FIG4: variants seen among roughly 807,000 people sequenced by gnomAD.
FIG4 encodes the protein FIG4 phosphoinositide 5-phosphatase.
A neutral mutation model predicts 118.6 loss-of-function variants in FIG4; 112 were observed. That is an observed-to-expected ratio of 0.94 (90% CI 0.81 to 1.11). FIG4 has a LOEUF of 1.11. Among genes scored for constraint, FIG4 ranks in the 50% least tolerant of loss-of-function variants. FIG4 has a pLI of 0.00. For missense variants in FIG4, 969 were observed against 1,111.7 expected (o/e 0.87, Z 1.83); for synonymous variants, 369 against 381.2 (o/e 0.97, Z 0.37).
intron 3 of FIG4, among the ~76,000 whole-genome samples, chr6:109,723,437 C>T (rs1219067531): frequency 1.3e-5 from 2 of 152,298 alleles, no homozygotes; most frequent in African/African-American, 2.4e-5. Context: ...TAAAATATAA[C>T]TCTATTTATA....
intron 17 of FIG4, 64 bp from the exon 18 acceptor site, chr6:109,786,238 A>T: frequency 7.0e-7 from 1 of 1,420,414 alleles, no homozygotes; most frequent in Admixed American, 1.7e-5. Context: ...CACAGTTAAT[A>T]TTATGGAAAT....
chr6:109,800,585 T>C (rs1778401111), intron 22 of FIG4, among the ~76,000 whole-genome samples: 1 of 152,116 alleles, frequency 6.6e-6, no homozygotes, highest in Non-Finnish European at 1.5e-5. Context: ...TCTTTGTGTC[T>C]CTAGAACAGT....
At chr6:109,772,249 G>A (rs1335816988) in intron 15 of FIG4, among the ~76,000 whole-genome samples, 1 of 152,094 alleles carries the variant, frequency 6.6e-6, no homozygotes, top group Non-Finnish European at 1.5e-5. Context: ...GTCAATAGGA[G>A]AGAGTCTCAG....
intron 17 of FIG4, 53 bp from the exon 18 acceptor site, chr6:109,786,249 G>A: frequency 6.7e-7 from 1 of 1,500,250 alleles, no homozygotes; most frequent in Non-Finnish European, 9.2e-7. Flanking sequence ...TTATGGAAAT[G>A]TTTGCTTGCT....
chr6:109,732,771 A>G, intron 5 of FIG4, 84 bp downstream of exon 5: 2 of 759,370 alleles, frequency 2.6e-6, no homozygotes, highest in East Asian at 2.5e-5. Context: ...ATGAGAACAT[A>G]GTAGTACTTC....
Position 109,716,744 on chromosome 6 carries a change from A to G in FIG4, c.289+176A>G, listed in dbSNP as rs534194130. Among the ~76,000 whole-genome samples the G allele has an allele frequency of 2.6e-5, 4 of 152,332 alleles. No homozygotes were observed. The East Asian group carries it at 7.7e-4, about 29-fold the overall frequency. On this transcript the variant is annotated intron_variant, in intron 3 of 22. Transcript: ENST00000230124. ...AGATAGCAAACAGCGTTTCTGTAGC[A>G]TCTGCTTATGCACTTAGCACTGCTC...
intron 1 of FIG4, among the ~76,000 whole-genome samples, chr6:109,706,739 C>T (rs559947081): frequency 7.9e-5 from 12 of 152,318 alleles, no homozygotes; most frequent in African/African-American, 2.9e-4. Flanking sequence ...AACATTTTCT[C>T]GCTTATTCTT....
intron 1 of FIG4, among the ~76,000 whole-genome samples, chr6:109,699,627 C>T (rs1474688423): frequency 6.6e-6 from 1 of 151,802 alleles, no homozygotes; most frequent in Non-Finnish European, 1.5e-5. Flanking sequence ...CTTAGCCTCC[C>T]AAGTAACTGG....
chr6:109,752,007 G>T (rs1776721259), intron 10 of FIG4, among the ~76,000 whole-genome samples: 1 of 95,966 alleles, frequency 1.0e-5, no homozygotes, highest in Non-Finnish European at 1.9e-5. Flanking sequence ...CCCCACAACA[G>T]TCCCCAGAGT....
At chr6:109,745,153 A>G (rs1212985099) in intron 10 of FIG4, among the ~76,000 whole-genome samples, 1 of 152,144 alleles carries the variant, frequency 6.6e-6, no homozygotes, top group Non-Finnish European at 1.5e-5. Context: ...TTGGGTATAT[A>G]CCCAGTAATG....
At chr6:109,784,266 A>G (rs6903587) in intron 16 of FIG4, among the ~76,000 whole-genome samples, 5,846 of 152,260 alleles carry the variant, frequency 0.038, 390 homozygotes, top group African/African-American at 0.13. Flanking sequence ...TTAGGTGTTC[A>G]GAGAGAAGGC....
At chr6:109,784,513 A>G (rs1361374641) in intron 16 of FIG4, among the ~76,000 whole-genome samples, 1 of 152,224 alleles carries the variant, frequency 6.6e-6, no homozygotes, top group Non-Finnish European at 1.5e-5. Context: ...GGTGTGTACT[A>G]TACAGCAGAG....
chr6:109,799,360 T>G (rs566408670), intron 22 of FIG4, among the ~76,000 whole-genome samples: 17 of 152,180 alleles, frequency 1.1e-4, no homozygotes, highest in African/African-American at 3.9e-4. Context: ...TTGGTGTTTT[T>G]GGGGTGTGTG....
chr6:109,770,381 T>C (rs1777422852), intron 15 of FIG4, among the ~76,000 whole-genome samples: 1 of 152,190 alleles, frequency 6.6e-6, no homozygotes, highest in Non-Finnish European at 1.5e-5. Flanking sequence ...CTAACATAAA[T>C]ATGTACACCC....
chr6:109,719,118 C>T (rs754525200), intron 3 of FIG4, among the ~76,000 whole-genome samples: 2 of 152,016 alleles, frequency 1.3e-5, no homozygotes, highest in Non-Finnish European at 2.9e-5. Flanking sequence ...GGGGTTTCGC[C>T]ATGTTGGCCA....
chr6:109,738,433 A>T lies in FIG4; in HGVS notation c.755A>T (p.His252Leu), dbSNP rs1776226747. The part of the protein sequence containing the change: ...VHRDWLLYII[H>L]GFCGQSKLLI... ...CGTGACTGGCTTTTGTATATTATTC[A>T]TGGGTTCTGTGGGCAGTCAAGTATC... The change falls in exon 7 of 23, where the codon CAT becomes CTT. Residue 252 changes from histidine (H) to leucine (L), a missense_variant. Coordinates refer to ENST00000230124, the MANE Select transcript of FIG4 (RefSeq NM_014845.6). 1 of 1,612,812 alleles carries T rather than the reference A, an allele frequency of 6.2e-7. No individual in the cohort carries two copies. Among genetic ancestry groups the T allele is most frequent in the East Asian group, 2.2e-5 (1 of 44,808 alleles).
intron 2 of FIG4, 114 bp from the exon 3 acceptor site, chr6:109,716,331 T>C (rs1775429213): frequency 9.5e-7 from 1 of 1,051,826 alleles, no homozygotes; most frequent in African/African-American, 1.6e-5. Context: ...TATTATATAC[T>C]TCTGTATGAA....
At chr6:109,787,946 G>A (rs1562684654) in intron 18 of FIG4, among the ~76,000 whole-genome samples, 1 of 152,116 alleles carries the variant, frequency 6.6e-6, no homozygotes, top group Non-Finnish European at 1.5e-5. Context: ...CGATTTTTCA[G>A]CTTTACAATG....
chr6:109,752,075 G>A (rs756549315), intron 10 of FIG4, among the ~76,000 whole-genome samples: 84 of 146,248 alleles, frequency 5.7e-4, no homozygotes, highest in Non-Finnish European at 5.5e-4. Flanking sequence ...ACCTATGAGT[G>A]AGAACATGCG....
Sources: allele counts gnomAD v4.1 joint callset (sites outside exome capture counted in the v4.1 genomes callset), GRCh38; gene constraint gnomAD v4.1.1; transcripts MANE v1.5; gene names NCBI Gene and HGNC (gene_info 2026-07-23, HGNC 2026-07-21).